NFIB: variants seen among roughly 807,000 people sequenced by gnomAD.
The protein encoded by NFIB is nuclear factor 1 B-type.
In NFIB, 11 loss-of-function variants were observed where a neutral mutation model predicts 61.5. The ratio of observed to expected loss-of-function variants is 0.18; its 90% CI spans 0.11 to 0.30. The LOEUF is 0.30. Ranked by LOEUF, NFIB falls within the 10% of genes least tolerant of loss-of-function variation. The probability of loss-of-function intolerance (pLI) is 1.00; values close to 1 mark genes in which losing one functional copy is unlikely to be tolerated. For missense variants in NFIB, 471 were observed against 608.9 expected (o/e 0.77, Z 2.38); for synonymous variants, 260 against 216.5 (o/e 1.20, Z -1.76).
chr9:14,123,858 C>T (rs753301301), intron 7 of NFIB, among the ~76,000 whole-genome samples: 1 of 152,044 alleles, frequency 6.6e-6, no homozygotes, highest in African/African-American at 2.4e-5. Flanking sequence ...TGCCCCTCTT[C>T]CTCCTAGTAT....
intron 2 of NFIB, among the ~76,000 whole-genome samples, chr9:14,203,625 T>G (rs1176681014): frequency 6.6e-6 from 1 of 152,154 alleles, no homozygotes; most frequent in African/African-American, 2.4e-5. Flanking sequence ...TCCTGAAATG[T>G]CGCCGGCCTG....
intron 2 of NFIB, among the ~76,000 whole-genome samples, chr9:14,188,706 C>A (rs2047636507): frequency 1.3e-5 from 2 of 152,164 alleles, no homozygotes; most frequent in African/African-American, 4.8e-5. Context: ...ATAATAAAGT[C>A]CTTTCCAAAA....
rs772813285 is a variant in NFIB at position 14,340,835 on chromosome 9, G to A, written c.109-33315C>T. 5.9e-5 allele frequency among the ~76,000 whole-genome samples: 9 copies of A among 152,028 alleles called. 1 individual carries two copies. Among genetic ancestry groups the A allele is most frequent in the African/African-American group, 1.2e-4 (5 of 41,406 alleles). ...AGTAGGGCTACCTCTCAGGTGGTCC[G>A]GAAATGAGTTACTGACTTAGTATAA... On this transcript the variant is annotated intron_variant, in intron 1 of 8. Coordinates refer to the NFIB transcript ENST00000380934.
intron 10 of NFIB, chr9:14,102,305 T>G: frequency 1.2e-6 from 1 of 827,814 alleles, no homozygotes; most frequent in Non-Finnish European, 1.9e-6. Flanking sequence ...AAGAATGGCA[T>G]AGCCAAAACA....
chr9:14,196,688 TAA>T (rs35353437), intron 2 of NFIB, among the ~76,000 whole-genome samples: 20,135 of 140,370 alleles, frequency 0.14, 1,502 homozygotes, highest in East Asian at 0.37. Context: ...TATTCTAACT[TAA>T]AAAAAAAAAA....
chr9:14,531,174 TC>T, the NFIB span, among the ~76,000 whole-genome samples: 1 of 152,132 alleles, frequency 6.6e-6, no homozygotes, highest in African/African-American at 2.4e-5. Flanking sequence ...AGTTACAACT[TC>T]TCTCTTCCCA....
chr9:14,237,385 A>G (rs539185691), intron 2 of NFIB, among the ~76,000 whole-genome samples: 18 of 152,294 alleles, frequency 1.2e-4, no homozygotes, highest in Non-Finnish European at 1.2e-4. Context: ...AAGATCATCA[A>G]AATCCCTAAC....
chr9:14,086,795 T>C lies in NFIB; in HGVS notation c.*1514A>G, dbSNP rs1331571687. ...GTATTTTTTTGTTTTTTTTTTTTTG[T>C]TTTTTGTTTTTTAGATTTCAAGGCA... On this transcript the variant is annotated 3_prime_UTR_variant, in exon 11 of 11. Coordinates refer to ENST00000380953, the MANE Select transcript of NFIB (RefSeq NM_001190737.2). The C allele has an allele frequency of 4.9e-6, 1 of 203,600 alleles. No homozygotes were observed. The highest frequency in any genetic ancestry group is 2.3e-5 in the African/African-American group (1 of 43,346). 12.6% of individuals were successfully genotyped at this position (203,600 alleles called of 1,614,324 possible).
intron 2 of NFIB, among the ~76,000 whole-genome samples, chr9:14,220,494 C>T (rs1245702220): frequency 2.0e-5 from 3 of 152,102 alleles, no homozygotes; most frequent in Non-Finnish European, 2.9e-5. Context: ...CATGGGGCTC[C>T]CTTTCGACCA....
At chr9:14,305,556 A>G (rs1333504683) in intron 2 of NFIB, among the ~76,000 whole-genome samples, 1 of 152,210 alleles carries the variant, frequency 6.6e-6, no homozygotes, top group Non-Finnish European at 1.5e-5. Flanking sequence ...TCTTAAATGC[A>G]TGGAAATATT....
chr9:14,311,063 T>G (rs755227229), intron 1 of NFIB, among the ~76,000 whole-genome samples: 1 of 152,160 alleles, frequency 6.6e-6, no homozygotes, highest in African/African-American at 2.4e-5. Flanking sequence ...TTTTTAAACA[T>G]ATATTAAATC....
intron 1 of NFIB, among the ~76,000 whole-genome samples, chr9:14,359,584 ATTTCT>A (rs2061215159): frequency 6.6e-6 from 1 of 152,164 alleles, no homozygotes; most frequent in Non-Finnish European, 1.5e-5. Flanking sequence ...GAGATAATCA[ATTTCT>A]TTTGTTTTAA....
the NFIB span, among the ~76,000 whole-genome samples, chr9:14,450,552 C>T: frequency 2.7e-3 from 412 of 152,266 alleles, 7 homozygotes; most frequent in Middle Eastern, 0.01. Flanking sequence ...TCTGTGTACT[C>T]CGATCTTTAC....
At chr9:14,475,561 A>C in the NFIB span, among the ~76,000 whole-genome samples, 12 of 151,952 alleles carry the variant, frequency 7.9e-5, no homozygotes, top group African/African-American at 2.7e-4. Context: ...CTCCTCCTTG[A>C]CCCCTGCAGC....
intron 1 of NFIB, among the ~76,000 whole-genome samples, chr9:14,383,504 G>A (rs1163324099): frequency 6.6e-6 from 1 of 152,186 alleles, no homozygotes; most frequent in East Asian, 1.9e-4. Flanking sequence ...CATGATGAGT[G>A]TGGGTAAAAA....
At chr9:14,123,198 A>C (rs966403173) in intron 7 of NFIB, among the ~76,000 whole-genome samples, 3 of 151,694 alleles carry the variant, frequency 2.0e-5, no homozygotes, top group Non-Finnish European at 2.9e-5. Flanking sequence ...CAGAGGTTGC[A>C]GCGAGCCAAG....
chr9:14,347,209 A>C (rs942384558), intron 1 of NFIB: 1 of 152,048 alleles, frequency 6.6e-6, no homozygotes, highest in African/African-American at 2.4e-5. Context: ...CTAAACTACA[A>C]GCCCGCAGTT....
intron 2 of NFIB, among the ~76,000 whole-genome samples, chr9:14,184,004 C>G (rs1169142006): frequency 1.3e-5 from 2 of 152,338 alleles, no homozygotes; most frequent in African/African-American, 4.8e-5. Context: ...AGAAAAGGTT[C>G]ACATTCATGC....
At chr9:14,319,734 G>GTGCA (rs1421920702) in intron 1 of NFIB, among the ~76,000 whole-genome samples, 2 of 152,192 alleles carry the variant, frequency 1.3e-5, no homozygotes, top group African/African-American at 4.8e-5. Flanking sequence ...AGTATAAAAA[G>GTGCA]TGCATGGCAG....
Sources: gnomAD v4.1 joint callset for allele counts (sites outside exome capture counted in the v4.1 genomes callset) on GRCh38, gnomAD v4.1.1 for gene constraint, MANE v1.5 for transcripts, NCBI Gene and HGNC (gene_info 2026-07-23, HGNC 2026-07-21) for gene names.